PRKCSH: variants seen among roughly 807,000 people sequenced by gnomAD.
PRKCSH encodes glucosidase 2 subunit beta.
PRKCSH carries 42 observed loss-of-function variants against 79.7 expected under a neutral mutation model. The observed-to-expected ratio is 0.53, with a 90% CI of 0.41 to 0.68. The LOEUF (loss-of-function observed/expected upper bound fraction) is 0.68. Among genes scored for constraint, PRKCSH ranks in the 30% least tolerant of loss-of-function variants. PRKCSH has a pLI of 0.00. For missense variants in PRKCSH, 686 were observed against 709.0 expected (o/e 0.97, Z 0.37); for synonymous variants, 325 against 288.2 (o/e 1.13, Z -1.29).
chr19:11,441,287 T>C lies in PRKCSH; in HGVS notation c.398T>C (p.Val133Ala), dbSNP rs777170940. The C allele has an allele frequency of 6.2e-7, 1 of 1,613,906 alleles. No individual in the cohort carries two copies. Among genetic ancestry groups the C allele is most frequent in the South Asian group, 1.1e-5 (1 of 91,070 alleles). Reference protein sequence around the residue: ...ERESLQQMAEVTREGFRLKKI... With the variant: ...ERESLQQMAEATREGFRLKKI... The stretch of plus-strand genomic sequence containing the variant: ...GAGTCCCTGCAGCAGATGGCCGAGG[T>C]CACCCGCGAAGGGTTCCGTCTGAAG... The change falls in exon 6 of 18, where the codon GTC (valine) becomes GCC (alanine). Residue 133 changes from valine (V) to alanine (A), a missense_variant. Around this residue, in one of 2 missense-constraint regions of PRKCSH, gnomAD observed 549 missense variants for 520.2 expected, o/e 1.06. Coordinates refer to ENST00000677123, the MANE Select transcript of PRKCSH (RefSeq NM_001289104.2).
chr19:11,447,045 G>C lies in PRKCSH; in HGVS notation c.763-29G>C, dbSNP rs1023734849. 1 of 1,608,138 alleles carries C rather than the reference G, an allele frequency of 6.2e-7. No individual in the cohort carries two copies. The highest frequency in any genetic ancestry group is 8.5e-7 in the Non-Finnish European group (1 of 1,174,672). ...GAGATGGGGGACACGTGGTGGCCTA[G>C]ATCTTGACACCACCCCCAACACACA... On this transcript the variant is annotated intron_variant, in intron 9 of 17. Coordinates refer to ENST00000677123, the MANE Select transcript of PRKCSH (RefSeq NM_001289104.2). The surrounding 1 kb of genome is among the most constrained non-coding windows in gnomAD (Gnocchi z 5.6).
chr19:11,448,297 G>C lies in PRKCSH; in HGVS notation c.1196+6G>C. 1.3e-6 allele frequency: 2 copies of C among 1,571,140 alleles called. No homozygotes were observed. Among genetic ancestry groups the C allele is most frequent in the Non-Finnish European group, 1.7e-6 (2 of 1,157,876 alleles). ...GACATGGAGGAGTCCATCAGGTAGC[G>C]GGGGCTGAGGAGCGGGGACACCTGT... On this transcript the variant is annotated splice_donor_region_variant and intron_variant, in intron 13 of 17. Coordinates refer to ENST00000677123, the MANE Select transcript of PRKCSH (RefSeq NM_001289104.2). The surrounding 1 kb of genome is among the most constrained non-coding windows in gnomAD (Gnocchi z 4.4).
Position 11,436,216 on chromosome 19 carries a change from C to T in PRKCSH, c.79+20C>T, listed in dbSNP as rs770452662. ...TCACCAGTGAGTCCTCCTGTTCACC[C>T]TCCCGCCAGGCTGGAGGTGGGAGGG... On this transcript the variant is annotated intron_variant, in intron 2 of 17. Transcript: ENST00000677123. The T allele has an allele frequency of 8.8e-6, 14 of 1,592,366 alleles. 1 individual carries two copies. The highest frequency in any genetic ancestry group is 3.4e-5 in the South Asian group (3 of 89,056).
Position 11,448,640 on chromosome 19 carries a change from G to C in PRKCSH, c.1286+11G>C. 6.2e-7 allele frequency: 1 copy of C among 1,612,670 alleles called. No individual in the cohort carries two copies. The highest frequency in any genetic ancestry group is 8.5e-7 in the Non-Finnish European group (1 of 1,178,702). On this transcript the variant is annotated intron_variant, in intron 14 of 17. Transcript: ENST00000677123. The surrounding 1 kb of genome is among the most constrained non-coding windows in gnomAD (Gnocchi z 4.4). Reference sequence around the variant, plus strand: ...GCTCACCACCAACGAGTGCGTCCCAGGAATGCAGGGGCCCCCACTGGCAGG... The same window carrying C: ...GCTCACCACCAACGAGTGCGTCCCACGAATGCAGGGGCCCCCACTGGCAGG...
At position 11,449,586 on chromosome 19, in the gene PRKCSH, A is replaced by G. The variant is rs1970497028; in HGVS notation, c.*16+158A>G. 6.0e-6 allele frequency: 6 copies of G among 991,998 alleles called. No individual in the cohort carries two copies. Among genetic ancestry groups the G allele is most frequent in the Non-Finnish European group, 8.9e-6 (6 of 677,460 alleles). 61.4% of individuals were successfully genotyped at this position (991,998 alleles called of 1,614,324 possible). A position where few individuals can be genotyped will look rare whatever the true frequency, so the allele number is the denominator to read the frequency against. On this transcript the variant is annotated intron_variant, in intron 17 of 17. Transcript: ENST00000677123. This position sits in a 1 kb window ranked among gnomAD's most constrained non-coding sequence, Gnocchi z 6.4. ...GAGGTGGAGTCTCACTCTTTGGCCC[A>G]GGCTGGAGTGCAGTGATGCGACCTC...
rs1969711371 is a variant in PRKCSH at position 11,436,063 on chromosome 19, C to T, written c.-55C>T. 3.8e-6 allele frequency: 6 copies of T among 1,589,776 alleles called. No individual in the cohort carries two copies. The highest frequency in any genetic ancestry group is 3.3e-5 in the Admixed American group (2 of 60,004). ...CAGCGTGAAGACACAGCGCATCTCC[C>T]CGCTGTAGGCTTCCTCCCACAGAAC... On this transcript the variant is annotated 5_prime_UTR_variant, in exon 2 of 18. Transcript: ENST00000677123.
intron 2 of PRKCSH, 96 bp downstream of exon 2, chr19:11,436,292 C>G (rs1969734976): frequency 6.3e-7 from 1 of 1,581,758 alleles, no homozygotes; most frequent in African/African-American, 1.3e-5. Context: ...GACTCAGTTT[C>G]CCGGTAGTGC....
In PRKCSH at chr19:11,447,212, C is replaced by G; in HGVS notation, c.849+52C>G. 3.8e-6 allele frequency: 6 copies of G among 1,582,150 alleles called. No individual in the cohort carries two copies. Among genetic ancestry groups the G allele is most frequent in the Non-Finnish European group, 5.2e-6 (6 of 1,154,846 alleles). ...TGGTCCTCCCACCACACTGCCCCCA[C>G]CCCGCCTCACAAAGGAGCTGCCTCT... On this transcript the variant is annotated intron_variant, in intron 10 of 17. Transcript: ENST00000677123. The surrounding 1 kb of genome is among the most constrained non-coding windows in gnomAD (Gnocchi z 5.6).
intron 5 of PRKCSH, 105 bp from the exon 6 acceptor site, chr19:11,441,135 A>G: frequency 5.5e-6 from 6 of 1,098,370 alleles, no homozygotes; most frequent in Middle Eastern, 2.0e-4. Flanking sequence ...CTTTCCCAGC[A>G]TGGCTTGGTG....
Position 11,448,744 on chromosome 19 carries a change from G to C in PRKCSH, c.1286+115G>C. ...AACCATCTGCGGGTGGGGCCCGAGA[G>C]TGCTGCCTTCCATATTGAGGGGGAG... On this transcript the variant is annotated intron_variant, in intron 14 of 17. Transcript: ENST00000677123. This position sits in a 1 kb window ranked among gnomAD's most constrained non-coding sequence, Gnocchi z 4.4. 1 of 1,336,106 alleles carries C rather than the reference G, an allele frequency of 7.5e-7. No individual in the cohort carries two copies. The highest frequency in any genetic ancestry group is 1.1e-6 in the Non-Finnish European group (1 of 933,704). The allele number at this position is 1,336,106 out of a possible 1,614,324, so 82.8% of individuals were successfully genotyped here.
chr19:11,439,184 C>T (rs539986448), intron 5 of PRKCSH, among the ~76,000 whole-genome samples: 9 of 152,202 alleles, frequency 5.9e-5, no homozygotes, highest in South Asian at 4.1e-4. Flanking sequence ...TAAGCCGCCG[C>T]GCTTGGCCAC....
intron 7 of PRKCSH, among the ~76,000 whole-genome samples, chr19:11,443,780 T>C (rs1192531424): frequency 1.3e-5 from 2 of 152,014 alleles, no homozygotes; most frequent in African/African-American, 4.8e-5. Context: ...TTTTTTTTAG[T>C]TTATTTATTT....
chr19:11,441,987 A>G (rs968023094), intron 6 of PRKCSH, among the ~76,000 whole-genome samples: 1 of 152,218 alleles, frequency 6.6e-6, no homozygotes, highest in Non-Finnish European at 1.5e-5. Flanking sequence ...TTGGAGGAGG[A>G]GGCCTCTATC....
Position 11,448,229 on chromosome 19 carries a change from G to C in PRKCSH, c.1134G>C (p.Gln378His). 3.8e-6 allele frequency: 6 copies of C among 1,559,802 alleles called. No individual in the cohort carries two copies. Among genetic ancestry groups the C allele is most frequent in the Non-Finnish European group, 4.3e-6 (5 of 1,151,464 alleles). Reference protein sequence around the residue: ...EQTQAFIDAAQEARNKFEEAE... With the variant: ...EQTQAFIDAAHEARNKFEEAE... The stretch of plus-strand genomic sequence containing the variant: ...CTCCAACCCCTCTCCCAGCTGCCCA[G>C]GAGGCCCGCAACAAGTTCGAGGAGG... Residue 378 changes from glutamine (Q) to histidine (H), a missense_variant, in exon 13 of 18, where the codon CAG (glutamine) becomes CAC (histidine). Physicochemically the swap from Gln to His is conservative, Grantham distance 24. Around this residue, in one of 2 missense-constraint regions of PRKCSH, gnomAD observed 549 missense variants for 520.2 expected, o/e 1.06. Transcript: ENST00000677123. This position sits in a 1 kb window ranked among gnomAD's most constrained non-coding sequence, Gnocchi z 4.4.
intron 5 of PRKCSH, 88 bp downstream of exon 5, chr19:11,438,212 C>A: frequency 7.0e-7 from 1 of 1,422,650 alleles, no homozygotes; most frequent in Non-Finnish European, 9.8e-7. Flanking sequence ...CTCTCTTCTG[C>A]TTTTCTGTAT....
At chr19:11,435,818 C>T in intron 1 of PRKCSH, 112 bp downstream of exon 1, 1 of 1,379,354 alleles carries the variant, frequency 7.2e-7, no homozygotes, top group Non-Finnish European at 9.7e-7. Flanking sequence ...GGTCTGTTGG[C>T]GGGAATTGGG....
rs2144849228 is a variant in PRKCSH, at chr19:11,447,860, G to A, written c.1126+71G>A. The A allele has an allele frequency of 3.4e-6, 5 of 1,458,626 alleles. No homozygotes were observed. Among genetic ancestry groups the A allele is most frequent in the Non-Finnish European group, 4.6e-6 (5 of 1,084,298 alleles). The allele number at this position is 1,458,626 out of a possible 1,614,324, so 90.4% of individuals were successfully genotyped here. A position where few individuals can be genotyped will look rare whatever the true frequency, so the allele number is the denominator to read the frequency against. ...CCTGCCGTGGTGGCACAGGTCGAGG[G>A]AAGATCCTGAGCTTAGACCCTGCTC... is the stretch of plus-strand genomic sequence containing the variant. On this transcript the variant is annotated intron_variant, in intron 12 of 17. Coordinates refer to ENST00000677123, the MANE Select transcript of PRKCSH (RefSeq NM_001289104.2). This position sits in a 1 kb window ranked among gnomAD's most constrained non-coding sequence, Gnocchi z 5.6.
At chr19:11,437,181 A>G (rs957338721) in intron 3 of PRKCSH, among the ~76,000 whole-genome samples, 15 of 148,834 alleles carry the variant, frequency 1.0e-4, no homozygotes, top group African/African-American at 3.0e-4. Flanking sequence ...GACTACAGGC[A>G]CCCACCACCA....
At chr19:11,437,826 G>A in intron 3 of PRKCSH, 50 bp from the exon 4 acceptor site, 2 of 1,474,388 alleles carry the variant, frequency 1.4e-6, no homozygotes, top group Admixed American at 1.7e-5. Flanking sequence ...GATGGGACAT[G>A]TCTGTCCCTG....
Sources: gnomAD v4.1 joint callset for allele counts (sites outside exome capture counted in the v4.1 genomes callset) on GRCh38, gnomAD v4.1.1 for gene constraint, gnomAD v4.1.1 regional missense constraint, Gnocchi (gnomAD v3.1) non-coding constraint, MANE v1.5 for transcripts, NCBI Gene and HGNC (gene_info 2026-07-23, HGNC 2026-07-21) for gene names.